Variants in BDP1 observed in about 807,000 individuals in gnomAD.
BDP1 encodes BDP1 general transcription factor IIIB subunit.
In BDP1, 169 loss-of-function variants were observed where a neutral mutation model predicts 266.6. The ratio of observed to expected loss-of-function variants is 0.63; its 90% CI spans 0.56 to 0.72. The LOEUF is 0.72. Among genes scored for constraint, BDP1 ranks in the 30% least tolerant of loss-of-function variants. BDP1 has a pLI of 0.00. For synonymous variants in BDP1, 1,090 were observed against 1,022.4 expected (o/e 1.07, Z -1.26); for missense variants, 3,015 against 3,053.8 (o/e 0.99, Z 0.30).
At chr5:71,541,713 A>T in intron 29 of BDP1, 31 bp downstream of exon 29, 6 of 1,331,790 alleles carry the variant, frequency 4.5e-6, no homozygotes, top group Non-Finnish European at 6.2e-6. Context: ...AATAAATATT[A>T]CTAAAACCAC....
chr5:71,469,062 C>T (rs898463794), intron 6 of BDP1, among the ~76,000 whole-genome samples: 1 of 152,140 alleles, frequency 6.6e-6, no homozygotes, highest in Non-Finnish European at 1.5e-5. Context: ...ATTCAAACAG[C>T]AGGATATAGA....
chr5:71,556,064 A>C (rs1363586144), intron 35 of BDP1, among the ~76,000 whole-genome samples: 1 of 151,976 alleles, frequency 6.6e-6, no homozygotes. Flanking sequence ...ACTCTTCTTC[A>C]TATAAATCTT....
At chr5:71,563,175 A>T (rs766788124) in intron 38 of BDP1, among the ~76,000 whole-genome samples, 1 of 152,076 alleles carries the variant, frequency 6.6e-6, no homozygotes, top group Non-Finnish European at 1.5e-5. Context: ...ACAGAGTCTC[A>T]CTCACTCTGT....
At position 71,464,164 on chromosome 5, in the gene BDP1, A is replaced by C. The variant is rs187548489; in HGVS notation, c.659+47A>C. On this transcript the variant is annotated intron_variant, in intron 4 of 38. Transcript: ENST00000358731. ...ATATTCTATTCCTACATTTTTTAAG[A>C]AATGAGATCAAATGGTGCTTCCTGT... The C allele has an allele frequency of 6.3e-4, 701 of 1,106,624 alleles. 3 individuals carry two copies. The African/African-American group carries it at 8.4e-3, about 13-fold the overall frequency. 68.6% of individuals were successfully genotyped at this position (1,106,624 alleles called of 1,614,324 possible). A position where few individuals can be genotyped will look rare whatever the true frequency, so the allele number is the denominator to read the frequency against.
At chr5:71,519,176 G>A (rs1384292691) in intron 22 of BDP1, among the ~76,000 whole-genome samples, 2 of 151,884 alleles carry the variant, frequency 1.3e-5, no homozygotes, top group Admixed American at 6.6e-5. Flanking sequence ...GTCTTAAAAA[G>A]CCTTAAATTT....
Position 71,510,524 on chromosome 5 carries a change from TCTGGAAGAAA to T in BDP1, c.3442_3451del (p.Thr1148GlufsTer16), listed in dbSNP as rs1764854751. On this transcript the variant is annotated frameshift_variant, in exon 17 of 39. Transcript: ENST00000358731. LOFTEE classifies it high-confidence loss of function. ...ATGCCACTGAGGAAATAGACAAAGA[TCTGGAAGAAA>T]CTGGAAGAAGAGAAATATCCCCAGA... 1.9e-6 allele frequency: 3 copies of T among 1,612,130 alleles called. No homozygotes were observed. The highest frequency in any genetic ancestry group is 2.5e-6 in the Non-Finnish European group (3 of 1,179,664).
chr5:71,556,906 A>C lies in BDP1; in HGVS notation c.7221A>C (p.Thr2407=), dbSNP rs112112283. 67 of 1,461,674 alleles carry C rather than the reference A, an allele frequency of 4.6e-5. No individual in the cohort carries two copies. The African/African-American group carries it at 6.3e-4, about 14-fold the overall frequency. 90.5% of individuals were successfully genotyped at this position (1,461,674 alleles called of 1,614,324 possible). Residue 2407 remains threonine (T), a synonymous_variant, in exon 36 of 39, where the codon ACA becomes ACC. Transcript: ENST00000358731. ...AATAGGTGCACTCAAAGGAATTAAC[A>C]AATGTTTTTGAGGAAACAGGTAAGT... The part of the protein sequence containing the change: ...YTTEVHSKEL[T]NVFEETGESH...
chr5:71,467,295 A>G (rs1243121512), intron 5 of BDP1, 59 bp from the exon 6 acceptor site: 1 of 1,363,068 alleles, frequency 7.3e-7, no homozygotes, highest in African/African-American at 1.5e-5. Context: ...TTTACATCTC[A>G]TTTGCTATTT....
At chr5:71,481,692 C>A (rs1762979658) in intron 7 of BDP1, among the ~76,000 whole-genome samples, 1 of 152,148 alleles carries the variant, frequency 6.6e-6, no homozygotes, top group Admixed American at 6.5e-5. Context: ...TAATCTAGGA[C>A]ATCCTTTCTC....
intron 38 of BDP1, among the ~76,000 whole-genome samples, chr5:71,563,315 T>A (rs951577588): frequency 6.6e-6 from 1 of 152,180 alleles, no homozygotes; most frequent in Non-Finnish European, 1.5e-5. Flanking sequence ...ACCCAGCTAA[T>A]TTTTGTATCT....
At chr5:71,547,300 C>T (rs141657389) in intron 32 of BDP1, among the ~76,000 whole-genome samples, 3 of 152,092 alleles carry the variant, frequency 2.0e-5, no homozygotes, top group Non-Finnish European at 4.4e-5. Context: ...AAGTTTAGAC[C>T]AGTCTAGGCT....
intron 16 of BDP1, among the ~76,000 whole-genome samples, chr5:71,506,031 C>G (rs1196531869): frequency 6.6e-6 from 1 of 152,228 alleles, no homozygotes; most frequent in Non-Finnish European, 1.5e-5. Context: ...AATGTGCACA[C>G]AGTCTCTAGG....
In BDP1 at chr5:71,517,453, G is replaced by A. The variant is rs764682011; in HGVS notation, c.4991+1G>A. On this transcript the variant is annotated splice_donor_variant, in intron 22 of 38. Transcript: ENST00000358731. LOFTEE classifies it high-confidence loss of function. Reference sequence around the variant, plus strand: ...TTAACAAAACAAATGAAACAATCAGGTGAGTTTGCTTTTAATGAGAAAAAA... The same window carrying A: ...TTAACAAAACAAATGAAACAATCAGATGAGTTTGCTTTTAATGAGAAAAAA... 1.9e-6 allele frequency: 3 copies of A among 1,560,602 alleles called. No individual in the cohort carries two copies. The highest frequency in any genetic ancestry group is 2.8e-5 in the African/African-American group (2 of 71,632).
intron 24 of BDP1, 71 bp from the exon 25 acceptor site, chr5:71,523,868 A>G (rs374113083): frequency 2.9e-5 from 41 of 1,433,008 alleles, no homozygotes; most frequent in Non-Finnish European, 3.7e-5. Flanking sequence ...ATTTCACTCT[A>G]AAAGTTTGGT....
Position 71,556,908 on chromosome 5 carries a change from A to G in BDP1, c.7223A>G (p.Asn2408Ser). ...TTEVHSKELT[N>S]VFEETGESHK... ...TAGGTGCACTCAAAGGAATTAACAA[A>G]TGTTTTTGAGGAAACAGGTAAGTGA... Residue 2408 changes from asparagine (N) to serine (S), a missense_variant, in exon 36 of 39, where the codon AAT becomes AGT. Physicochemically the swap from Asn to Ser is conservative, Grantham distance 46. Around this residue, in one of 3 missense-constraint regions of BDP1, gnomAD observed 629 missense variants for 632.5 expected, o/e 0.99. Coordinates refer to ENST00000358731, the MANE Select transcript of BDP1 (RefSeq NM_018429.3). 3.4e-6 allele frequency: 5 copies of G among 1,463,740 alleles called. No individual in the cohort carries two copies. The highest frequency in any genetic ancestry group is 4.6e-6 in the Non-Finnish European group (5 of 1,096,732). The allele number at this position is 1,463,740 out of a possible 1,614,324, so 90.7% of individuals were successfully genotyped here.
chr5:71,490,364 A>G (rs1163065601), intron 10 of BDP1, among the ~76,000 whole-genome samples: 1 of 152,114 alleles, frequency 6.6e-6, no homozygotes, highest in African/African-American at 2.4e-5. Flanking sequence ...TCTCAATATT[A>G]TGCTCTTTTT....
Position 71,522,769 on chromosome 5 carries a change from T to G in BDP1, c.5207T>G (p.Leu1736Arg). 1 of 1,589,530 alleles carries G rather than the reference T, an allele frequency of 6.3e-7. No individual in the cohort carries two copies. The highest frequency in any genetic ancestry group is 8.5e-7 in the Non-Finnish European group (1 of 1,173,536). The change falls in exon 24 of 39, where the codon CTT (leucine) becomes CGT (arginine). Residue 1736 changes from leucine (L) to arginine (R), a missense_variant. Around this residue, in one of 3 missense-constraint regions of BDP1, gnomAD observed 2,383 missense variants for 2,404.9 expected, o/e 0.99. Coordinates refer to ENST00000358731, the MANE Select transcript of BDP1 (RefSeq NM_018429.3). The part of the protein sequence containing the change: ...TQLLLKEKAE[L>R]LTSLEVSARK... ...CTTAAATTTAAGGAAAAAGCTGAGCTTCTGACATCTCTGGAGGTTTCAGCA... is the reference window on the plus strand; with the variant it reads ...CTTAAATTTAAGGAAAAAGCTGAGCGTCTGACATCTCTGGAGGTTTCAGCA...
intron 6 of BDP1, among the ~76,000 whole-genome samples, chr5:71,469,622 CTTTT>C (rs1181549949): frequency 6.7e-6 from 1 of 149,844 alleles, no homozygotes; most frequent in Non-Finnish European, 1.5e-5. Context: ...ATTTCTTTTT[CTTTT>C]TTTTTGAGGT....
chr5:71,562,699 G>A (rs1351425122), intron 38 of BDP1, 179 bp downstream of exon 38: 2 of 1,490,024 alleles, frequency 1.3e-6, no homozygotes, highest in South Asian at 1.2e-5. Flanking sequence ...GTTGAGTCAG[G>A]AAGTTACAGT....
Sources: allele counts gnomAD v4.1 joint callset (sites outside exome capture counted in the v4.1 genomes callset), GRCh38; gene constraint gnomAD v4.1.1; regional missense constraint gnomAD v4.1.1; transcripts MANE v1.5; gene names NCBI Gene and HGNC (gene_info 2026-07-23, HGNC 2026-07-21).